Variants in SLIT3 observed in about 807,000 individuals in gnomAD.
SLIT3 encodes the protein slit guidance ligand 3.
SLIT3 carries 68 observed loss-of-function variants against 184.0 expected under a neutral mutation model. The ratio of observed to expected loss-of-function variants is 0.37; its 90% CI spans 0.30 to 0.45. The LOEUF (loss-of-function observed/expected upper bound fraction) is 0.45, where lower values mean the gene tolerates loss of function less well. Ranked by LOEUF, SLIT3 falls within the 20% of genes least tolerant of loss-of-function variation. SLIT3 has a pLI of 1.00. For missense variants in SLIT3, 1,707 were observed against 2,026.0 expected, an observed-to-expected ratio of 0.84 and a Z score of 3.02; for synonymous variants, 831 against 828.6, an observed-to-expected ratio of 1.00 and a Z score of -0.05.
At chr5:169,194,633 C>G (rs959412967) in intron 3 of SLIT3, among the ~76,000 whole-genome samples, 4 of 152,156 alleles carry the variant, frequency 2.6e-5, no homozygotes, top group African/African-American at 9.7e-5. Flanking sequence ...GGGCCCCTAA[C>G]AGTATTGTAG....
chr5:168,765,636 A>C (rs1223890343), intron 14 of SLIT3, among the ~76,000 whole-genome samples: 4 of 152,202 alleles, frequency 2.6e-5, no homozygotes, highest in African/African-American at 9.7e-5. Context: ...CAGAGCTTTA[A>C]AAGTCAATTT....
intron 4 of SLIT3, among the ~76,000 whole-genome samples, chr5:169,067,489 C>T (rs1758398790): frequency 6.6e-6 from 1 of 152,192 alleles, no homozygotes; most frequent in Non-Finnish European, 1.5e-5. Context: ...ATCCATCCAT[C>T]TCTGTGCCTC....
chr5:168,839,126 G>C (rs758483554), intron 6 of SLIT3, among the ~76,000 whole-genome samples: 1 of 152,174 alleles, frequency 6.6e-6, no homozygotes, highest in African/African-American at 2.4e-5. Flanking sequence ...TGAGGGATTC[G>C]TGATTGCCTC....
At chr5:169,265,401 A>AT (rs1766359530) in intron 1 of SLIT3, among the ~76,000 whole-genome samples, 1 of 152,218 alleles carries the variant, frequency 6.6e-6, no homozygotes, top group African/African-American at 2.4e-5. Context: ...TTTAGTGGCC[A>AT]TCATAAGCTG....
intron 1 of SLIT3, among the ~76,000 whole-genome samples, chr5:169,274,659 G>C (rs1333125199): frequency 2.0e-5 from 3 of 152,224 alleles, no homozygotes; most frequent in African/African-American, 7.2e-5. Flanking sequence ...GGCAAACAGG[G>C]AGATCTTCAT....
chr5:168,817,283 A>G lies in SLIT3; in HGVS notation c.793+17T>C, dbSNP rs1188000321. 5 of 1,612,986 alleles carry G rather than the reference A, an allele frequency of 3.1e-6. No homozygotes were observed. The highest frequency in any genetic ancestry group is 4.2e-6 in the Non-Finnish European group (5 of 1,179,116). On this transcript the variant is annotated intron_variant, in intron 8 of 35. Coordinates refer to ENST00000519560, the MANE Select transcript of SLIT3 (RefSeq NM_003062.4). ...GGGTCATAGCACAGGAGGGGAGAGC[A>G]GGTAAAGCATCCTCACCTGGGCACA...
At chr5:169,263,628 AC>A in intron 1 of SLIT3, 1 of 493,624 alleles carries the variant, frequency 2.0e-6, no homozygotes, top group Non-Finnish European at 4.1e-6. Context: ...GCATACAGAT[AC>A]GCCCAACGTT....
intron 4 of SLIT3, among the ~76,000 whole-genome samples, chr5:168,911,606 C>T (rs189173566): frequency 6.6e-6 from 1 of 152,300 alleles, no homozygotes; most frequent in Non-Finnish European, 1.5e-5. Context: ...ATTTAGCCAT[C>T]CTTCAGTTAC....
At chr5:168,715,248 A>C (rs1015773468) in intron 23 of SLIT3, among the ~76,000 whole-genome samples, 1 of 152,202 alleles carries the variant, frequency 6.6e-6, no homozygotes, top group Non-Finnish European at 1.5e-5. Context: ...AGATATTTTC[A>C]TCTCTAAAAT....
intron 3 of SLIT3, among the ~76,000 whole-genome samples, chr5:169,203,931 T>C (rs903933088): frequency 6.6e-6 from 1 of 152,192 alleles, no homozygotes; most frequent in East Asian, 1.9e-4. Flanking sequence ...TTCCCAATTA[T>C]AGATGCCCAA....
At chr5:169,004,411 T>C (rs1755836536) in intron 4 of SLIT3, among the ~76,000 whole-genome samples, 1 of 152,168 alleles carries the variant, frequency 6.6e-6, no homozygotes, top group African/African-American at 2.4e-5. Context: ...TACAAGGCTT[T>C]TAAGATCAAC....
rs565417703 is a variant in SLIT3, at chr5:169,049,078, G to A, written c.413+144401C>T. On this transcript the variant is annotated intron_variant, in intron 4 of 35. Coordinates refer to ENST00000519560, the MANE Select transcript of SLIT3 (RefSeq NM_003062.4). ...AGAAAAGTCAATAGCCTGTGAGGGCGCCAGGGCTACGGCAGGCAGGGCCAT... is the reference window on the plus strand; with the variant it reads ...AGAAAAGTCAATAGCCTGTGAGGGCACCAGGGCTACGGCAGGCAGGGCCAT... Among the ~76,000 whole-genome samples the A allele has an allele frequency of 1.4e-4, 22 of 152,276 alleles. No homozygotes were observed. The South Asian group carries it at 1.9e-3, about 13-fold the overall frequency.
intron 34 of SLIT3, 27 bp downstream of exon 34, chr5:168,671,171 C>G: frequency 6.3e-7 from 1 of 1,591,886 alleles, no homozygotes; most frequent in East Asian, 2.3e-5. Context: ...AGCTCGAGCA[C>G]ACAGCCAGGG....
At chr5:169,161,209 C>A (rs1341169065) in intron 4 of SLIT3, among the ~76,000 whole-genome samples, 1 of 152,218 alleles carries the variant, frequency 6.6e-6, no homozygotes, top group African/African-American at 2.4e-5. Context: ...AGTCTCCTGA[C>A]CCCTGGCAGG....
chr5:168,761,736 T>TA (rs1310303353), intron 15 of SLIT3, among the ~76,000 whole-genome samples: 1 of 151,706 alleles, frequency 6.6e-6, no homozygotes, highest in African/African-American at 2.4e-5. Context: ...ATTTTTTAAT[T>TA]AAAAAAAATT....
chr5:169,108,466 G>A (rs942009602), intron 4 of SLIT3, among the ~76,000 whole-genome samples: 7 of 152,218 alleles, frequency 4.6e-5, no homozygotes, highest in Non-Finnish European at 7.3e-5. Flanking sequence ...CCAGGCTAGG[G>A]AAGAAGCTGG....
chr5:168,785,869 G>A, intron 12 of SLIT3, 38 bp downstream of exon 12: 9 of 1,488,934 alleles, frequency 6.0e-6, no homozygotes, highest in Non-Finnish European at 7.5e-6. Flanking sequence ...CCTTCCGACA[G>A]TACCAAAGAC....
intron 4 of SLIT3, among the ~76,000 whole-genome samples, chr5:168,983,384 C>A (rs1755016109): frequency 6.6e-6 from 1 of 152,220 alleles, no homozygotes; most frequent in Non-Finnish European, 1.5e-5. Flanking sequence ...CTACAGTTTT[C>A]TTCACCTAAG....
chr5:169,092,390 GTACCAATTCTATT>G (rs1186796877), intron 4 of SLIT3, among the ~76,000 whole-genome samples: 1 of 152,086 alleles, frequency 6.6e-6, no homozygotes, highest in African/African-American at 2.4e-5. Flanking sequence ...TAGCGGAGAT[GTACCAATTCTATT>G]CTGTTCTGTT....
Sources: gnomAD v4.1 joint callset for allele counts (sites outside exome capture counted in the v4.1 genomes callset) on GRCh38, gnomAD v4.1.1 for gene constraint, MANE v1.5 for transcripts, NCBI Gene and HGNC (gene_info 2026-07-23, HGNC 2026-07-21) for gene names.